KCNJ6: variants seen among roughly 807,000 people sequenced by gnomAD.
KCNJ6 encodes potassium inwardly rectifying channel subfamily J member 6.
A neutral mutation model predicts 34.2 loss-of-function variants in KCNJ6; 9 were observed. The observed-to-expected ratio is 0.26, with a 90% CI of 0.16 to 0.46. The LOEUF (loss-of-function observed/expected upper bound fraction) is 0.46, where lower values mean the gene tolerates loss of function less well. Among genes scored for constraint, KCNJ6 ranks in the 20% least tolerant of loss-of-function variants. The pLI is 1.00. For missense variants in KCNJ6, 236 were observed against 531.3 expected, an observed-to-expected ratio of 0.44 and a Z score of 5.46; for synonymous variants, 196 against 207.1, an observed-to-expected ratio of 0.95 and a Z score of 0.46.
At position 37,616,590 on chromosome 21, in the gene KCNJ6, C is replaced by CATATATATATATATATATATATATACAT. The variant is rs2054267848; in HGVS notation, c.*8568_*8569insATGTATATATATATATATATATATATAT. The CATATATATATATATATATATATATACAT allele has an allele frequency of 2.2e-5, 2 of 90,916 alleles. No individual in the cohort carries two copies. The highest frequency in any genetic ancestry group is 9.2e-5 in the African/African-American group (2 of 21,756). 5.6% of individuals were successfully genotyped at this position (90,916 alleles called of 1,614,324 possible). ...AATTATGAAGCAGGAACAAAATGTA[C>CATATATATATATATATATATATATACAT]ATATATATATATATATATATATATA... On this transcript the variant is annotated 3_prime_UTR_variant, in exon 4 of 4. Transcript: ENST00000609713.
chr21:37,879,598 CA>C (rs1350306410), intron 1 of KCNJ6, among the ~76,000 whole-genome samples: 1 of 151,792 alleles, frequency 6.6e-6, no homozygotes, highest in Non-Finnish European at 1.5e-5. Flanking sequence ...CCCAAAATAA[CA>C]TTGCTCTCTT....
chr21:37,743,929 AC>A (rs2054953621), intron 2 of KCNJ6, among the ~76,000 whole-genome samples: 1 of 152,002 alleles, frequency 6.6e-6, no homozygotes, highest in South Asian at 2.1e-4. Flanking sequence ...TTATAATCCC[AC>A]GAAGATTTTT....
At chr21:37,637,102 T>C (rs1023767706) in intron 3 of KCNJ6, among the ~76,000 whole-genome samples, 1 of 152,238 alleles carries the variant, frequency 6.6e-6, no homozygotes, top group African/African-American at 2.4e-5. Context: ...AGTGCAGTAA[T>C]AAAGTGTTGT....
At chr21:37,851,388 A>G (rs185848309) in intron 1 of KCNJ6, among the ~76,000 whole-genome samples, 5 of 152,352 alleles carry the variant, frequency 3.3e-5, no homozygotes, top group African/African-American at 1.2e-4. Flanking sequence ...TATAAAAGAA[A>G]CTAAGTCAGG....
intron 2 of KCNJ6, among the ~76,000 whole-genome samples, chr21:37,830,894 A>G (rs931118986): frequency 6.6e-5 from 10 of 152,188 alleles, no homozygotes; most frequent in African/African-American, 1.2e-4. Flanking sequence ...CTCATTCTGG[A>G]TATGGCAAGG....
chr21:37,655,009 G>C (rs116095448), intron 3 of KCNJ6, among the ~76,000 whole-genome samples: 19 of 152,318 alleles, frequency 1.2e-4, no homozygotes, highest in African/African-American at 4.6e-4. Flanking sequence ...ACTTGAACCT[G>C]AGAAGATGTG....
intron 2 of KCNJ6, among the ~76,000 whole-genome samples, chr21:37,781,513 C>T (rs929248145): frequency 2.0e-5 from 3 of 152,078 alleles, no homozygotes; most frequent in Non-Finnish European, 2.9e-5. Context: ...TTGCAGCATA[C>T]AAGGCACTAA....
chr21:37,779,316 G>A (rs2055158022), intron 2 of KCNJ6, among the ~76,000 whole-genome samples: 1 of 152,166 alleles, frequency 6.6e-6, no homozygotes, highest in South Asian at 2.1e-4. Context: ...TCCAAGCTTT[G>A]TGAGGGCAGC....
intron 3 of KCNJ6, among the ~76,000 whole-genome samples, chr21:37,689,590 A>C (rs1278344694): frequency 1.3e-5 from 2 of 152,146 alleles, no homozygotes; most frequent in Non-Finnish European, 2.9e-5. Context: ...GGCACTCAGT[A>C]AATTTCTATC....
intron 1 of KCNJ6, among the ~76,000 whole-genome samples, chr21:37,845,342 T>C (rs1415064995): frequency 1.3e-5 from 2 of 152,216 alleles, no homozygotes; most frequent in Admixed American, 1.3e-4. Context: ...GAAAATTTTT[T>C]GTTCTTGCTT....
intron 3 of KCNJ6, among the ~76,000 whole-genome samples, chr21:37,706,463 G>A (rs908333838): frequency 6.6e-6 from 1 of 152,256 alleles, no homozygotes; most frequent in Admixed American, 6.5e-5. Context: ...AGAAGCGAGT[G>A]TTTGGCCCTG....
chr21:37,655,208 TGTGTGTGTGTGTGTGTGAGAGAGAGAGA>T (rs2054453234), intron 3 of KCNJ6, among the ~76,000 whole-genome samples: 1 of 77,396 alleles, frequency 1.3e-5, no homozygotes, highest in East Asian at 3.6e-4. Flanking sequence ...TGTGTGTGTG[TGTGTGTGTGTGTGTGTGAGAGAGAGAGA>T]GAGAGAGAGA....
chr21:37,893,209 A>AT (rs1346492697), intron 1 of KCNJ6, among the ~76,000 whole-genome samples: 1 of 145,548 alleles, frequency 6.9e-6, no homozygotes, highest in East Asian at 2.1e-4. Context: ...ATGTTCCCCT[A>AT]TTTTTTTCTT....
At chr21:37,840,242 G>A (rs2055473659) in intron 2 of KCNJ6, among the ~76,000 whole-genome samples, 1 of 152,120 alleles carries the variant, frequency 6.6e-6, no homozygotes, top group Non-Finnish European at 1.5e-5. Flanking sequence ...ATTTCTGAAC[G>A]ACACCTGAAA....
At chr21:37,786,644 G>T (rs937109107) in intron 2 of KCNJ6, among the ~76,000 whole-genome samples, 10 of 152,200 alleles carry the variant, frequency 6.6e-5, no homozygotes. Context: ...CCTGGCTAAG[G>T]CCACCTGTTG....
chr21:37,710,630 G>T (rs951576562), intron 3 of KCNJ6, among the ~76,000 whole-genome samples: 1 of 152,230 alleles, frequency 6.6e-6, no homozygotes, highest in Non-Finnish European at 1.5e-5. Context: ...AATCAGCAAG[G>T]CCGTAGTGGG....
chr21:37,739,059 T>A (rs1455946382), intron 2 of KCNJ6, among the ~76,000 whole-genome samples: 1 of 152,154 alleles, frequency 6.6e-6, no homozygotes, highest in Non-Finnish European at 1.5e-5. Context: ...AGCCTGAAAT[T>A]TGCCTGGTCT....
At chr21:37,666,216 G>A (rs1020950752) in intron 3 of KCNJ6, among the ~76,000 whole-genome samples, 5 of 152,174 alleles carry the variant, frequency 3.3e-5, no homozygotes, top group Admixed American at 2.0e-4. Flanking sequence ...GGAATGGCAA[G>A]GTCAGCTTCT....
intron 1 of KCNJ6, among the ~76,000 whole-genome samples, chr21:37,905,647 C>T (rs1455585337): frequency 6.6e-6 from 1 of 152,216 alleles, no homozygotes; most frequent in Non-Finnish European, 1.5e-5. Flanking sequence ...GTTCTCCTCC[C>T]TCACTTAAAC....
Sources: allele counts gnomAD v4.1 joint callset (sites outside exome capture counted in the v4.1 genomes callset), GRCh38; gene constraint gnomAD v4.1.1; transcripts MANE v1.5; gene names NCBI Gene and HGNC (gene_info 2026-07-23, HGNC 2026-07-21).